Variants in ENPP6 observed in about 807,000 individuals in gnomAD.
The protein encoded by ENPP6 is ectonucleotide pyrophosphatase/phosphodiesterase 6, also known as glycerophosphocholine cholinephosphodiesterase ENPP6.
Under a neutral mutation model 42.0 loss-of-function variants are expected in ENPP6, and 32 were observed. The ratio of observed to expected loss-of-function variants is 0.76; its 90% CI spans 0.58 to 1.02. ENPP6 has a LOEUF of 1.02. ENPP6 is among the 50% of genes least tolerant of loss of function. ENPP6 has a pLI of 0.00. For synonymous variants in ENPP6, 213 were observed against 216.0 expected, an observed-to-expected ratio of 0.99 and a Z score of 0.12; for missense variants, 552 against 566.8, an observed-to-expected ratio of 0.97 and a Z score of 0.27.
At chr4:184,194,410 G>T (rs1272003985) in intron 1 of ENPP6, among the ~76,000 whole-genome samples, 5 of 152,200 alleles carry the variant, frequency 3.3e-5, no homozygotes, top group African/African-American at 1.2e-4. Flanking sequence ...TTCTGGCAGG[G>T]AGGAAAGAAA....
intron 1 of ENPP6, among the ~76,000 whole-genome samples, chr4:184,196,276 C>T (rs566809060): frequency 6.6e-6 from 1 of 152,376 alleles, no homozygotes; most frequent in Admixed American, 6.5e-5. Flanking sequence ...TGTGCTTCCC[C>T]TGTGCCTGTT....
Position 184,169,221 on chromosome 4 carries a change from C to T in ENPP6, c.242-15488G>A, listed in dbSNP as rs147584124. ...TGGGGAGAGGGCAAAGTGTGGCATC[C>T]AGCCCTAGCCAGGCCAGCGAGGAGC... On this transcript the variant is annotated intron_variant, in intron 1 of 7. Coordinates refer to ENST00000296741, the MANE Select transcript of ENPP6 (RefSeq NM_153343.4). Among the ~76,000 whole-genome samples, 719 of 152,306 alleles carry T rather than the reference C, an allele frequency of 4.7e-3. 9 individuals are homozygous for T. Among genetic ancestry groups the T allele is most frequent in the African/African-American group, 0.016 (678 of 41,564 alleles).
intron 1 of ENPP6, among the ~76,000 whole-genome samples, chr4:184,193,911 A>C (rs1465011587): frequency 1.3e-5 from 2 of 152,150 alleles, no homozygotes; most frequent in Non-Finnish European, 2.9e-5. Flanking sequence ...TTAATTGTTC[A>C]GTTTGATGCT....
At position 184,217,717 on chromosome 4, in the gene ENPP6, G is replaced by A. The variant is rs745885904; in HGVS notation, c.103C>T (p.Arg35Cys). The change falls in exon 1 of 8, where the codon CGC becomes TGC. Residue 35 changes from arginine (R) to cysteine (C), a missense_variant. Physicochemically the swap from Arg to Cys is radical, Grantham distance 180 (BLOSUM62 -3). Transcript: ENST00000296741. ...GCCTCATCACTGATGTAGTCTGAGC[G>A]AAAACCATCCAGCAGAAACACCAGC... ...KLLVFLLDGF[R>C]SDYISDEALE... 12 of 1,614,180 alleles carry A rather than the reference G, an allele frequency of 7.4e-6. No homozygotes were observed. The highest frequency in any genetic ancestry group is 1.0e-5 in the Non-Finnish European group (12 of 1,180,034).
intron 1 of ENPP6, among the ~76,000 whole-genome samples, chr4:184,170,692 G>C (rs1315955641): frequency 6.6e-6 from 1 of 152,144 alleles, no homozygotes; most frequent in Non-Finnish European, 1.5e-5. Flanking sequence ...TGATCTACAG[G>C]TCTTAGATTC....
At chr4:184,123,755 C>A (rs2111351720) in intron 3 of ENPP6, among the ~76,000 whole-genome samples, 1 of 152,210 alleles carries the variant, frequency 6.6e-6, no homozygotes, top group African/African-American at 2.4e-5. Flanking sequence ...TACATGGGTA[C>A]AAGAAGGGGG....
chr4:184,182,786 T>A (rs1173442918), intron 1 of ENPP6, among the ~76,000 whole-genome samples: 1 of 152,142 alleles, frequency 6.6e-6, no homozygotes, highest in Non-Finnish European at 1.5e-5. Context: ...ATGTTCTCAC[T>A]TACAAGTGGG....
intron 2 of ENPP6, among the ~76,000 whole-genome samples, chr4:184,141,768 A>C (rs1736827585): frequency 6.6e-6 from 1 of 152,276 alleles, no homozygotes; most frequent in East Asian, 1.9e-4. Context: ...TTTGTGCAAA[A>C]TAATAATAAT....
At chr4:184,118,385 A>G (rs1579618217) in intron 3 of ENPP6, among the ~76,000 whole-genome samples, 1 of 152,158 alleles carries the variant, frequency 6.6e-6, no homozygotes, top group East Asian at 1.9e-4. Flanking sequence ...TAACGAATGA[A>G]CTAATTCTAG....
rs189439964 is a variant in ENPP6 at position 184,144,064 on chromosome 4, C to T, written c.421+9490G>A. ...TGCAGCAGAGGCTGGCAGGGCCCCC[C>T]GGGCCCCCAAGCCACCTTTCTGCTC... On this transcript the variant is annotated intron_variant, in intron 2 of 7. Coordinates refer to ENST00000296741, the MANE Select transcript of ENPP6 (RefSeq NM_153343.4). 3.6e-3 allele frequency among the ~76,000 whole-genome samples: 551 copies of T among 152,310 alleles called. 6 individuals carry two copies. The highest frequency in any genetic ancestry group is 0.01 in the Middle Eastern group (3 of 294).
At chr4:184,108,262 C>T (rs1481719379) in intron 6 of ENPP6, among the ~76,000 whole-genome samples, 4 of 152,206 alleles carry the variant, frequency 2.6e-5, no homozygotes, top group Non-Finnish European at 4.4e-5. Context: ...AACTCAGACC[C>T]AGAGAGGCTG....
chr4:184,118,779 G>A (rs1329004632), intron 3 of ENPP6, among the ~76,000 whole-genome samples: 1 of 152,152 alleles, frequency 6.6e-6, no homozygotes, highest in Non-Finnish European at 1.5e-5. Flanking sequence ...GGTGAGGAGT[G>A]ACGAGTAGTC....
Position 184,217,667 on chromosome 4 carries a change from T to C in ENPP6, c.153A>G (p.Lys51=), listed in dbSNP as rs148715663. 2.1e-4 allele frequency: 339 copies of C among 1,614,110 alleles called. 1 individual carries two copies. The highest frequency in any genetic ancestry group is 2.8e-4 in the Non-Finnish European group (327 of 1,180,058). Residue 51 remains lysine (K), a synonymous_variant, in exon 1 of 8, where the codon AAA becomes AAG. Transcript: ENST00000296741. ...CTTTTACTCCCCTGCTCACAATCTC[T>C]TTGAAACCAGGCAATGACTCCAGCG... ...DEALESLPGF[K]EIVSRGVKVD...
At chr4:184,126,077 G>A (rs796234269) in intron 2 of ENPP6, among the ~76,000 whole-genome samples, 11 of 152,336 alleles carry the variant, frequency 7.2e-5, no homozygotes, top group African/African-American at 2.4e-4. Context: ...ACATCTGTAT[G>A]TAAATTGTAA....
At chr4:184,143,690 G>T (rs1319612309) in intron 2 of ENPP6, among the ~76,000 whole-genome samples, 1 of 152,238 alleles carries the variant, frequency 6.6e-6, no homozygotes, top group Non-Finnish European at 1.5e-5. Context: ...GCTGCCCTCT[G>T]CCCCTCTGCA....
chr4:184,106,489 G>C (rs1033964706), intron 6 of ENPP6, among the ~76,000 whole-genome samples: 1 of 152,004 alleles, frequency 6.6e-6, no homozygotes, highest in African/African-American at 2.4e-5. Context: ...ACTCTCAAAG[G>C]TCTTTCCTGG....
In ENPP6 at chr4:184,133,397, A is replaced by G. The variant is rs78627757; in HGVS notation, c.422-9125T>C. Among the ~76,000 whole-genome samples the G allele has an allele frequency of 8.1e-3, 1,232 of 152,248 alleles. 24 individuals are homozygous for G. The highest frequency in any genetic ancestry group is 0.028 in the African/African-American group (1,176 of 41,546). On this transcript the variant is annotated intron_variant, in intron 2 of 7. Transcript: ENST00000296741. ...CTTTCACGTATTTGAATTTACTATA[A>G]ATGGTATTGACCTTTTAATTTTTTC...
chr4:184,200,676 CCCTGCCCTGTGGCCCACACTGCTTCGCAG>C (rs1732880626), intron 1 of ENPP6, among the ~76,000 whole-genome samples: 2 of 152,238 alleles, frequency 1.3e-5, no homozygotes, highest in Admixed American at 6.5e-5. Flanking sequence ...TGCCCCCTTT[CCCTGCCCTGTGGCCCACACTGCTTCGCAG>C]CCTGCCCTGT....
chr4:184,113,306 T>A (rs1051441431), intron 5 of ENPP6, among the ~76,000 whole-genome samples: 5 of 152,210 alleles, frequency 3.3e-5, no homozygotes, highest in Non-Finnish European at 5.9e-5. Context: ...CAATTCTATA[T>A]TTCTTATTAT....
Sources: allele counts gnomAD v4.1 joint callset (sites outside exome capture counted in the v4.1 genomes callset), GRCh38; gene constraint gnomAD v4.1.1; transcripts MANE v1.5; gene names NCBI Gene and HGNC (gene_info 2026-07-23, HGNC 2026-07-21).